HHAT: variants seen among roughly 807,000 people sequenced by gnomAD.
HHAT encodes the protein protein-cysteine N-palmitoyltransferase HHAT.
In HHAT, 47 loss-of-function variants were observed where a neutral mutation model predicts 70.8. The ratio of observed to expected loss-of-function variants is 0.66; its 90% CI spans 0.53 to 0.85. The LOEUF (loss-of-function observed/expected upper bound fraction) is 0.85, where lower values mean the gene tolerates loss of function less well. Ranked by LOEUF, HHAT falls within the 40% of genes least tolerant of loss-of-function variation. HHAT has a pLI of 0.00. For missense variants in HHAT, 609 were observed against 604.8 expected, an observed-to-expected ratio of 1.01 and a Z score of -0.07; for synonymous variants, 228 against 247.6, an observed-to-expected ratio of 0.92 and a Z score of 0.74.
chr1:210,623,749 G>A (rs1669329925), intron 11 of HHAT, 79 bp downstream of exon 11: 1 of 1,402,132 alleles, frequency 7.1e-7, no homozygotes, highest in Admixed American at 2.0e-5. Context: ...TGGGATGGAT[G>A]GGATTTGGGG....
chr1:210,358,242 C>CT (rs1161345545), intron 2 of HHAT, among the ~76,000 whole-genome samples: 1 of 152,236 alleles, frequency 6.6e-6, no homozygotes, highest in African/African-American at 2.4e-5. Flanking sequence ...CAGGGTGCTT[C>CT]TACTTCTCCC....
chr1:210,554,740 C>G (rs1470973853), intron 9 of HHAT, among the ~76,000 whole-genome samples: 18 of 152,164 alleles, frequency 1.2e-4, no homozygotes, highest in Admixed American at 1.2e-3. Flanking sequence ...ACCATCTAGT[C>G]TTTCTCAAGG....
intron 3 of HHAT, among the ~76,000 whole-genome samples, chr1:210,368,487 C>T (rs1047057941): frequency 4.6e-5 from 7 of 152,026 alleles, no homozygotes; most frequent in African/African-American, 7.2e-5. Flanking sequence ...AGATGCGTTT[C>T]GCCATGTCGG....
intron 7 of HHAT, among the ~76,000 whole-genome samples, chr1:210,449,193 C>T (rs987314998): frequency 6.6e-6 from 1 of 152,122 alleles, no homozygotes; most frequent in African/African-American, 2.4e-5. Context: ...CACTCAGACT[C>T]TGGCCTCTGG....
intron 10 of HHAT, among the ~76,000 whole-genome samples, chr1:210,604,295 C>A (rs1202870086): frequency 6.6e-6 from 1 of 150,540 alleles, no homozygotes; most frequent in African/African-American, 2.4e-5. Context: ...ACCATGTTAG[C>A]CAGGATGGTC....
intron 8 of HHAT, among the ~76,000 whole-genome samples, chr1:210,495,714 A>C (rs1044772120): frequency 2.0e-5 from 3 of 152,190 alleles, no homozygotes; most frequent in Non-Finnish European, 4.4e-5. Context: ...GCAACATTTG[A>C]AAATGGAATA....
At chr1:210,499,322 A>G (rs1226182019) in intron 8 of HHAT, among the ~76,000 whole-genome samples, 2 of 152,136 alleles carry the variant, frequency 1.3e-5, no homozygotes, top group Non-Finnish European at 2.9e-5. Context: ...TCTGGACTTC[A>G]GTAAAAATAA....
At chr1:210,572,039 G>A (rs1426561552) in intron 9 of HHAT, among the ~76,000 whole-genome samples, 2 of 152,222 alleles carry the variant, frequency 1.3e-5, no homozygotes, top group Admixed American at 6.5e-5. Context: ...TTTCCTGAGC[G>A]TGGGATGATG....
intron 9 of HHAT, among the ~76,000 whole-genome samples, chr1:210,536,132 C>T (rs770797898): frequency 5.3e-5 from 8 of 152,172 alleles, no homozygotes; most frequent in African/African-American, 1.7e-4. Context: ...GGGGAAAATA[C>T]GTTTAGAGCT....
At chr1:210,615,390 C>T (rs1667480044) in intron 10 of HHAT, among the ~76,000 whole-genome samples, 1 of 152,208 alleles carries the variant, frequency 6.6e-6, no homozygotes, top group Non-Finnish European at 1.5e-5. Context: ...CGAACTTCCT[C>T]CTTTAGCTCG....
At chr1:210,661,356 A>G (rs954695174) in intron 11 of HHAT, among the ~76,000 whole-genome samples, 13 of 152,250 alleles carry the variant, frequency 8.5e-5, no homozygotes, top group East Asian at 3.8e-4. Context: ...ATGAGATACC[A>G]TCTCACACCA....
At chr1:210,517,361 A>C (rs188133788) in intron 9 of HHAT, among the ~76,000 whole-genome samples, 1 of 152,228 alleles carries the variant, frequency 6.6e-6, no homozygotes. Flanking sequence ...TCATGAGCTC[A>C]AGCGATCCTC....
intron 8 of HHAT, among the ~76,000 whole-genome samples, chr1:210,487,783 G>T (rs1057146799): frequency 6.6e-6 from 1 of 152,134 alleles, no homozygotes; most frequent in Non-Finnish European, 1.5e-5. Flanking sequence ...ATTTATGAAG[G>T]AAGTGCTCAT....
intron 9 of HHAT, among the ~76,000 whole-genome samples, chr1:210,566,735 C>T (rs1437516099): frequency 6.6e-6 from 1 of 152,124 alleles, no homozygotes; most frequent in East Asian, 1.9e-4. Flanking sequence ...GCTCCCTATC[C>T]ATCCCACTGA....
chr1:210,569,373 C>CAAAAAAAAAA lies in HHAT; in HGVS notation c.1044-18508_1044-18499dup, dbSNP rs71146233. Among the ~76,000 whole-genome samples the CAAAAAAAAAA allele has an allele frequency of 1.5e-3, 42 of 28,344 alleles. 10 individuals carry two copies. Among genetic ancestry groups the CAAAAAAAAAA allele is most frequent in the Admixed American group, 2.7e-3 (4 of 1,474 alleles). 18.6% of individuals were successfully genotyped at this position (28,344 alleles called of 152,430 possible). A position where few individuals can be genotyped will look rare whatever the true frequency, so the allele number is the denominator to read the frequency against. Reference sequence around the variant, plus strand: ...CGGGCGACAGAGCCAGAGTCTGCCTCAAAAAAAAAAAAAAAAAAAAAAAAA... The same window carrying CAAAAAAAAAA: ...CGGGCGACAGAGCCAGAGTCTGCCTCAAAAAAAAAAAAAAAAAAAAAAAAAAAAAAAAAAA... On this transcript the variant is annotated intron_variant, in intron 9 of 11. Transcript: ENST00000261458.
intron 9 of HHAT, among the ~76,000 whole-genome samples, chr1:210,518,965 T>G (rs1282803028): frequency 1.3e-5 from 2 of 152,198 alleles, no homozygotes; most frequent in Non-Finnish European, 2.9e-5. Context: ...TTTTGAGAGA[T>G]GGTAAGCTCT....
At position 210,532,786 on chromosome 1, in the gene HHAT, A is replaced by T. The variant is rs555119725; in HGVS notation, c.1043+19598A>T. On this transcript the variant is annotated intron_variant, in intron 9 of 11. Coordinates refer to ENST00000261458, the MANE Select transcript of HHAT (RefSeq NM_018194.6). Reference sequence around the variant, plus strand: ...TGTTGGAGAGGGAAAACAAACATTTATGACATAATTAGAATGATTAAACCA... The same window carrying T: ...TGTTGGAGAGGGAAAACAAACATTTTTGACATAATTAGAATGATTAAACCA... 3.3e-5 allele frequency among the ~76,000 whole-genome samples: 5 copies of T among 152,262 alleles called. No homozygotes were observed. In the East Asian group the frequency reaches 7.7e-4, roughly 23 times the overall value.
chr1:210,548,908 C>A (rs147121194), intron 9 of HHAT, among the ~76,000 whole-genome samples: 2 of 152,154 alleles, frequency 1.3e-5, no homozygotes, highest in African/African-American at 4.8e-5. Flanking sequence ...CCTAATAGAC[C>A]CTGCTCACTG....
At chr1:210,605,988 C>T (rs897457693) in intron 10 of HHAT, among the ~76,000 whole-genome samples, 4 of 151,696 alleles carry the variant, frequency 2.6e-5, no homozygotes, top group African/African-American at 9.7e-5. Flanking sequence ...TCCTGAGTAG[C>T]GGGACTACAG....
Sources: allele counts gnomAD v4.1 joint callset (sites outside exome capture counted in the v4.1 genomes callset), GRCh38; gene constraint gnomAD v4.1.1; transcripts MANE v1.5; gene names NCBI Gene and HGNC (gene_info 2026-07-23, HGNC 2026-07-21).